The following DPYD variants were observed in gnomAD, a reference collection of about 807,000 sequenced individuals.
DPYD encodes dihydropyrimidine dehydrogenase.
In DPYD, 109 loss-of-function variants were observed where a neutral mutation model predicts 116.2. That is an observed-to-expected ratio of 0.94 (90% CI 0.80 to 1.10). The LOEUF is 1.10. DPYD is among the 50% of genes least tolerant of loss of function. The probability of loss-of-function intolerance (pLI) is 0.00; values close to 1 mark genes in which losing one functional copy is unlikely to be tolerated. For synonymous variants in DPYD, 440 were observed against 432.0 expected (o/e 1.02, Z -0.23); for missense variants, 1,302 against 1,254.5 (o/e 1.04, Z -0.57).
intron 16 of DPYD, among the ~76,000 whole-genome samples, chr1:97,357,084 CTGAT>C (rs1289814436): frequency 6.6e-6 from 1 of 152,186 alleles, no homozygotes; most frequent in Non-Finnish European, 1.5e-5. Flanking sequence ...AGGTATTACA[CTGAT>C]TGTGTAGATT....
chr1:97,481,095 G>A (rs1678269010), intron 13 of DPYD, among the ~76,000 whole-genome samples: 1 of 152,098 alleles, frequency 6.6e-6, no homozygotes, highest in Non-Finnish European at 1.5e-5. Flanking sequence ...AAATGATAAA[G>A]GCAAATAATT....
At chr1:97,299,624 T>G (rs565785405) in intron 18 of DPYD, among the ~76,000 whole-genome samples, 1 of 152,238 alleles carries the variant, frequency 6.6e-6, no homozygotes, top group Non-Finnish European at 1.5e-5. Context: ...TAAGCATCTA[T>G]GAATATGGCA....
intron 20 of DPYD, among the ~76,000 whole-genome samples, chr1:97,124,047 A>T (rs986276486): frequency 1.3e-5 from 2 of 152,118 alleles, no homozygotes; most frequent in Non-Finnish European, 2.9e-5. Flanking sequence ...ATTTTGCTTC[A>T]TTAAACAACT....
intron 3 of DPYD, among the ~76,000 whole-genome samples, chr1:97,744,687 A>T (rs985873259): frequency 6.6e-6 from 1 of 152,040 alleles, no homozygotes; most frequent in East Asian, 1.9e-4. Context: ...CTACATCATC[A>T]TTTGGAAAGT....
chr1:97,551,188 G>T (rs991316445), intron 11 of DPYD, among the ~76,000 whole-genome samples: 2 of 151,938 alleles, frequency 1.3e-5, no homozygotes, highest in East Asian at 3.9e-4. Flanking sequence ...TTGTTTTTTC[G>T]TCTTTCATTG....
At position 97,835,587 on chromosome 1, in the gene DPYD, G is replaced by A. The variant is rs146885401; in HGVS notation, c.151-7391C>T. Among the ~76,000 whole-genome samples, 49 of 151,988 alleles carry A rather than the reference G, an allele frequency of 3.2e-4. No individual in the cohort carries two copies. The East Asian group carries it at 8.7e-3, about 27-fold the overall frequency. On this transcript the variant is annotated intron_variant, in intron 2 of 22. Coordinates refer to ENST00000370192, the MANE Select transcript of DPYD (RefSeq NM_000110.4). The stretch of plus-strand genomic sequence containing the variant: ...ATAATTCATTCCTATATCTATGAGA[G>A]GTCAACAAAGTTCAGGATAAAGTAT...
chr1:97,468,412 CT>C (rs1310951793), intron 13 of DPYD, among the ~76,000 whole-genome samples: 1 of 152,034 alleles, frequency 6.6e-6, no homozygotes, highest in Non-Finnish European at 1.5e-5. Context: ...GATTAGTGCC[CT>C]TATAGAAGAG....
At chr1:97,663,808 G>C (rs780812436) in intron 8 of DPYD, among the ~76,000 whole-genome samples, 1 of 152,140 alleles carries the variant, frequency 6.6e-6, no homozygotes, top group African/African-American at 2.4e-5. Flanking sequence ...ATATAGAGCT[G>C]TTACATATGA....
intron 8 of DPYD, among the ~76,000 whole-genome samples, chr1:97,662,510 G>A (rs1659324616): frequency 6.6e-6 from 1 of 151,948 alleles, no homozygotes; most frequent in Non-Finnish European, 1.5e-5. Context: ...GCACGTGCCT[G>A]TAATCCCAGC....
At chr1:97,162,732 A>G (rs1416914953) in intron 20 of DPYD, among the ~76,000 whole-genome samples, 6 of 152,236 alleles carry the variant, frequency 3.9e-5, no homozygotes, top group Non-Finnish European at 1.5e-5. Context: ...TTCAAACTAT[A>G]GTACAAGGCT....
chr1:97,597,382 G>A (rs1051951404), intron 8 of DPYD, among the ~76,000 whole-genome samples: 15 of 152,266 alleles, frequency 9.9e-5, no homozygotes, highest in East Asian at 1.9e-4. Context: ...TCATAGTGCT[G>A]TGGGATGATC....
chr1:97,844,504 T>C (rs961100598), intron 2 of DPYD, among the ~76,000 whole-genome samples: 1 of 152,132 alleles, frequency 6.6e-6, no homozygotes, highest in African/African-American at 2.4e-5. Flanking sequence ...AATGTAACCC[T>C]TATAAAAACA....
intron 20 of DPYD, among the ~76,000 whole-genome samples, chr1:97,148,795 T>G (rs1570552085): frequency 6.6e-6 from 1 of 152,224 alleles, no homozygotes; most frequent in African/African-American, 2.4e-5. Context: ...CTTCTAATGA[T>G]TCTTCTAAAG....
Position 97,225,003 on chromosome 1 carries a change from GTCTATCTATCTATCTATCTATCTA to G in DPYD, c.2442+9825_2442+9848del, listed in dbSNP as rs3050227. On this transcript the variant is annotated intron_variant, in intron 19 of 22. Transcript: ENST00000370192. ...GATCTATCTAACTATCTGTCTGTCT[GTCTATCTATCTATCTATCTATCTA>G]TCTATCTATCTATCTATCTATCTAT... Among the ~76,000 whole-genome samples, 51 of 127,158 alleles carry G rather than the reference GTCTATCTATCTATCTATCTATCTA, an allele frequency of 4.0e-4. No individual in the cohort carries two copies. The South Asian group carries it at 6.1e-3, about 15-fold the overall frequency. 83.4% of individuals were successfully genotyped at this position (127,158 alleles called of 152,430 possible).
chr1:97,111,412 C>G (rs2101624310), intron 20 of DPYD, among the ~76,000 whole-genome samples: 1 of 152,196 alleles, frequency 6.6e-6, no homozygotes, highest in African/African-American at 2.4e-5. Context: ...ATTCACTACA[C>G]TCCAGCCATA....
At chr1:97,344,683 T>A (rs147510584) in intron 16 of DPYD, among the ~76,000 whole-genome samples, 1 of 152,002 alleles carries the variant, frequency 6.6e-6, no homozygotes, top group Non-Finnish European at 1.5e-5. Flanking sequence ...TATCTCACTG[T>A]TTTTTATAGT....
At chr1:97,594,677 T>G (rs1654754030) in intron 9 of DPYD, among the ~76,000 whole-genome samples, 1 of 152,106 alleles carries the variant, frequency 6.6e-6, no homozygotes, top group Admixed American at 6.6e-5. Flanking sequence ...AAAATTACTG[T>G]TTAAGAGAAG....
Position 97,134,014 on chromosome 1 carries a change from AATATATATATATATATATATAT to A in DPYD, c.2623-35404_2623-35383del, listed in dbSNP as rs1165027630. The stretch of plus-strand genomic sequence containing the variant: ...ACTCTGTTTCAAAAAAAAAAAAAAA[AATATATATATATATATATATAT>A]ATATATATATATATATATATATATA... On this transcript the variant is annotated intron_variant, in intron 20 of 22. Transcript: ENST00000370192. Among the ~76,000 whole-genome samples the A allele has an allele frequency of 1.1e-3, 20 of 18,820 alleles. 1 individual carries two copies. Among genetic ancestry groups the A allele is most frequent in the African/African-American group, 2.6e-3 (13 of 5,034 alleles). The allele number at this position is 18,820 out of a possible 152,430, so 12.3% of individuals were successfully genotyped here.
chr1:97,366,719 G>A (rs1267364248), intron 16 of DPYD, among the ~76,000 whole-genome samples: 2 of 152,158 alleles, frequency 1.3e-5, no homozygotes, highest in African/African-American at 4.8e-5. Flanking sequence ...AGAACCTGCA[G>A]AAGATGTCTC....
Sources: gnomAD v4.1 joint callset for allele counts (sites outside exome capture counted in the v4.1 genomes callset) on GRCh38, gnomAD v4.1.1 for gene constraint, MANE v1.5 for transcripts, NCBI Gene and HGNC (gene_info 2026-07-23, HGNC 2026-07-21) for gene names.